MBD5: variants seen among roughly 807,000 people sequenced by gnomAD.
MBD5 encodes the protein methyl-CpG binding domain protein 5.
In MBD5, 13 loss-of-function variants were observed where a neutral mutation model predicts 117.3. That is an observed-to-expected ratio of 0.11 (90% CI 0.07 to 0.18). The LOEUF is 0.18. MBD5 is among the 10% of genes least tolerant of loss of function. The pLI is 1.00. For synonymous variants in MBD5, 727 were observed against 766.4 expected (o/e 0.95, Z 0.85); for missense variants, 1,879 against 2,093.8 (o/e 0.90, Z 2.00).
chr2:148,183,641 A>C (rs1698581146), intron 2 of MBD5, among the ~76,000 whole-genome samples: 1 of 152,064 alleles, frequency 6.6e-6, no homozygotes, highest in South Asian at 2.1e-4. Flanking sequence ...TTAAATCCTA[A>C]ACCATTATGC....
chr2:148,070,858 T>G (rs955115429), intron 1 of MBD5: 3 of 142,754 alleles, frequency 2.1e-5, no homozygotes, highest in Admixed American at 2.1e-4. Flanking sequence ...AAGTTTTTTG[T>G]TTTTTTTTTT....
intron 1 of MBD5, among the ~76,000 whole-genome samples, chr2:148,035,010 T>A (rs1694151261): frequency 6.6e-6 from 1 of 152,182 alleles, no homozygotes; most frequent in African/African-American, 2.4e-5. Flanking sequence ...AACTTTAGTT[T>A]ATCAGTAAAA....
intron 3 of MBD5, among the ~76,000 whole-genome samples, chr2:148,251,385 A>G (rs1480588336): frequency 3.9e-5 from 6 of 152,200 alleles, no homozygotes; most frequent in Non-Finnish European, 7.3e-5. Context: ...TCCATGCATT[A>G]TGGGCTTACC....
intron 3 of MBD5, among the ~76,000 whole-genome samples, chr2:148,237,418 G>A (rs908603522): frequency 1.3e-5 from 2 of 152,144 alleles, no homozygotes; most frequent in Non-Finnish European, 2.9e-5. Context: ...GGCAATTATA[G>A]GTTATTACTT....
In MBD5 at chr2:148,464,943, C is replaced by A. The variant is rs1179011726; in HGVS notation, c.397+1024C>A. On this transcript the variant is annotated intron_variant, in intron 7 of 13. Coordinates refer to ENST00000642680, the MANE Select transcript of MBD5 (RefSeq NM_001378120.1). Reference sequence around the variant, plus strand: ...CATGATCACACCACTGTGCTCCAACCTGAGTGATAGAGCAAAACTCTGTCT... The same window carrying A: ...CATGATCACACCACTGTGCTCCAACATGAGTGATAGAGCAAAACTCTGTCT... Among the ~76,000 whole-genome samples the A allele has an allele frequency of 1.3e-5, 2 of 151,364 alleles. 1 individual carries two copies. Among genetic ancestry groups the A allele is most frequent in the Non-Finnish European group, 2.9e-5 (2 of 67,904 alleles).
At chr2:148,448,428 G>A (rs964637573) in intron 4 of MBD5, among the ~76,000 whole-genome samples, 6 of 151,660 alleles carry the variant, frequency 4.0e-5, no homozygotes, top group African/African-American at 1.5e-4. Flanking sequence ...TTCTTCAGTG[G>A]GTAAGGAGTT....
At chr2:148,327,737 A>G (rs986780280) in intron 3 of MBD5, among the ~76,000 whole-genome samples, 2 of 151,940 alleles carry the variant, frequency 1.3e-5, no homozygotes, top group African/African-American at 4.8e-5. Flanking sequence ...CTAGTTATAC[A>G]TTCTTTTAAA....
chr2:148,035,269 G>C (rs1694158152), intron 1 of MBD5, among the ~76,000 whole-genome samples: 1 of 152,090 alleles, frequency 6.6e-6, no homozygotes, highest in South Asian at 2.1e-4. Flanking sequence ...TGAATAAGCA[G>C]GGTGCACTAT....
rs148763979 is a variant in MBD5 at position 148,056,994 on chromosome 2, C to T, written c.-925+35310C>T. Among the ~76,000 whole-genome samples, 626 of 151,816 alleles carry T rather than the reference C, an allele frequency of 4.1e-3. 3 individuals are homozygous for T. The highest frequency in any genetic ancestry group is 5.8e-3 in the Non-Finnish European group (390 of 67,776). ...AATTCATCTAAGTCATCTGTGTTTT[C>T]ACATTCATTGACATAAAGTTCTTAA... On this transcript the variant is annotated intron_variant, in intron 1 of 13. Transcript: ENST00000642680.
chr2:148,453,055 AG>A (rs1706775334), intron 4 of MBD5, among the ~76,000 whole-genome samples: 1 of 152,224 alleles, frequency 6.6e-6, no homozygotes, highest in South Asian at 2.1e-4. Context: ...GGATGATACC[AG>A]GAACTGGGAA....
intron 4 of MBD5, among the ~76,000 whole-genome samples, chr2:148,388,017 A>T (rs1421325125): frequency 6.6e-6 from 1 of 152,208 alleles, no homozygotes; most frequent in African/African-American, 2.4e-5. Context: ...AGCATGGAAT[A>T]GCCAAGAGAC....
At chr2:148,099,336 T>C (rs1375725853) in intron 1 of MBD5, among the ~76,000 whole-genome samples, 1 of 152,166 alleles carries the variant, frequency 6.6e-6, no homozygotes, top group Admixed American at 6.5e-5. Flanking sequence ...ATACATCTTA[T>C]AGAATACTTT....
At chr2:148,353,169 A>G (rs1483687815) in intron 4 of MBD5, among the ~76,000 whole-genome samples, 5 of 152,160 alleles carry the variant, frequency 3.3e-5, no homozygotes, top group Non-Finnish European at 7.3e-5. Context: ...TGCTTTTAAC[A>G]TGAGAGATAA....
At chr2:148,172,532 C>T (rs1406760723) in intron 1 of MBD5, among the ~76,000 whole-genome samples, 1 of 152,130 alleles carries the variant, frequency 6.6e-6, no homozygotes, top group Non-Finnish European at 1.5e-5. Context: ...ACAGGAATAG[C>T]CTGGCTGCCC....
chr2:148,021,666 A>G lies in MBD5; in HGVS notation c.-943A>G. 2 of 386,582 alleles carry G rather than the reference A, an allele frequency of 5.2e-6. No individual in the cohort carries two copies. The highest frequency in any genetic ancestry group is 5.1e-6 in the Non-Finnish European group (1 of 195,090). 23.9% of individuals were successfully genotyped at this position (386,582 alleles called of 1,614,324 possible). ...TCCACAGCTCCAGGGAAGGCACTCAAAAGTGGGGGGCAGGAAAGGTAAGTG... is the reference window on the plus strand; with the variant it reads ...TCCACAGCTCCAGGGAAGGCACTCAGAAGTGGGGGGCAGGAAAGGTAAGTG... On this transcript the variant is annotated 5_prime_UTR_variant, in exon 1 of 14. Transcript: ENST00000642680.
intron 1 of MBD5, among the ~76,000 whole-genome samples, chr2:148,136,749 T>A (rs1212962030): frequency 6.6e-6 from 1 of 151,984 alleles, no homozygotes; most frequent in Non-Finnish European, 1.5e-5. Flanking sequence ...AAAAAAATCT[T>A]CTCCCCAGTT....
intron 4 of MBD5, among the ~76,000 whole-genome samples, chr2:148,404,089 G>T (rs1221215360): frequency 1.3e-5 from 2 of 149,174 alleles, no homozygotes; most frequent in African/African-American, 2.5e-5. Flanking sequence ...CTGCTTCTGT[G>T]CATGCCTGAT....
chr2:148,475,606 T>C (rs955480925), intron 8 of MBD5, among the ~76,000 whole-genome samples: 7 of 152,094 alleles, frequency 4.6e-5, no homozygotes, highest in African/African-American at 9.7e-5. Context: ...AGTGTGCAAA[T>C]TGGGAGAATT....
At chr2:148,426,421 C>A (rs943316448) in intron 4 of MBD5, among the ~76,000 whole-genome samples, 5 of 151,876 alleles carry the variant, frequency 3.3e-5, no homozygotes, top group African/African-American at 4.8e-5. Context: ...GCTACAGTAA[C>A]CAAAACAGCA....
Sources: allele counts gnomAD v4.1 joint callset (sites outside exome capture counted in the v4.1 genomes callset), GRCh38; gene constraint gnomAD v4.1.1; transcripts MANE v1.5; gene names NCBI Gene and HGNC (gene_info 2026-07-23, HGNC 2026-07-21).